CNTNAP2: variants seen among roughly 807,000 people sequenced by gnomAD.
CNTNAP2 encodes contactin associated protein 2, also known as contactin-associated protein-like 2.
CNTNAP2 carries 98 observed loss-of-function variants against 155.2 expected under a neutral mutation model. That is an observed-to-expected ratio of 0.63 (90% CI 0.54 to 0.75). CNTNAP2 has a LOEUF of 0.75. CNTNAP2 is among the 30% of genes least tolerant of loss of function. The pLI is 0.00. For missense variants in CNTNAP2, 1,727 were observed against 1,688.1 expected, an observed-to-expected ratio of 1.02 and a Z score of -0.40; for synonymous variants, 651 against 631.2, an observed-to-expected ratio of 1.03 and a Z score of -0.47.
At chr7:147,619,422 G>A (rs1427778490) in intron 12 of CNTNAP2, among the ~76,000 whole-genome samples, 1 of 152,190 alleles carries the variant, frequency 6.6e-6, no homozygotes, top group Non-Finnish European at 1.5e-5. Flanking sequence ...ATATCCATTT[G>A]TCACTTAAGA....
chr7:147,406,561 A>T (rs562844482), intron 10 of CNTNAP2, among the ~76,000 whole-genome samples: 1 of 152,360 alleles, frequency 6.6e-6, no homozygotes, highest in East Asian at 1.9e-4. Context: ...TTAGTTTTTC[A>T]GATAGCATTG....
At chr7:146,224,966 A>AT (rs147407913) in intron 1 of CNTNAP2, among the ~76,000 whole-genome samples, 147 of 152,284 alleles carry the variant, frequency 9.7e-4, no homozygotes, top group African/African-American at 3.3e-3. Context: ...TGATCACTCA[A>AT]TTACATTCTG....
chr7:146,577,836 A>C (rs1412953975), intron 1 of CNTNAP2, among the ~76,000 whole-genome samples: 1 of 152,106 alleles, frequency 6.6e-6, no homozygotes, highest in Non-Finnish European at 1.5e-5. Flanking sequence ...TTTGAAAAAA[A>C]GAAAGTGAAA....
At chr7:148,052,246 T>C (rs1285981990) in intron 15 of CNTNAP2, among the ~76,000 whole-genome samples, 2 of 149,380 alleles carry the variant, frequency 1.3e-5, no homozygotes, top group African/African-American at 4.9e-5. Context: ...AATCAACAAA[T>C]TAAAAACTGA....
At chr7:147,968,242 G>A (rs932055060) in intron 14 of CNTNAP2, among the ~76,000 whole-genome samples, 1 of 152,124 alleles carries the variant, frequency 6.6e-6, no homozygotes, top group African/African-American at 2.4e-5. Context: ...TGGTTACAAG[G>A]GCTTTCTAAG....
chr7:147,514,387 G>A (rs851842), intron 11 of CNTNAP2, among the ~76,000 whole-genome samples: 97,494 of 151,504 alleles, frequency 0.64, 32,224 homozygotes, highest in South Asian at 0.77. Context: ...ATTTAAATGT[G>A]TATGCATTTT....
At position 148,415,762 on chromosome 7, in the gene CNTNAP2, T is replaced by C. The variant is rs1209396040; in HGVS notation, c.*146T>C. 2 of 853,330 alleles carry C rather than the reference T, an allele frequency of 2.3e-6. No homozygotes were observed. Among genetic ancestry groups the C allele is most frequent in the Non-Finnish European group, 3.7e-6 (2 of 543,772 alleles). The allele number at this position is 853,330 out of a possible 1,614,324, so 52.9% of individuals were successfully genotyped here. ...AGGCAGGCAATGGAATATAATGGAA[T>C]ATTCTTGAGACTGATCACAAAAAAA... is the stretch of plus-strand genomic sequence containing the variant. On this transcript the variant is annotated 3_prime_UTR_variant, in exon 24 of 24. Transcript: ENST00000361727.
chr7:147,198,718 G>T (rs1002406800), intron 8 of CNTNAP2, among the ~76,000 whole-genome samples: 1 of 152,220 alleles, frequency 6.6e-6, no homozygotes, highest in Middle Eastern at 3.4e-3. Flanking sequence ...GTAATTTTCA[G>T]TGATAGTTTG....
intron 3 of CNTNAP2, among the ~76,000 whole-genome samples, chr7:146,925,104 C>G (rs1796580193): frequency 6.6e-6 from 1 of 152,026 alleles, no homozygotes; most frequent in African/African-American, 2.4e-5. Flanking sequence ...TTTAAAATTT[C>G]TCTGTTTTAC....
At chr7:146,937,123 C>T (rs1411210362) in intron 3 of CNTNAP2, among the ~76,000 whole-genome samples, 1 of 152,050 alleles carries the variant, frequency 6.6e-6, no homozygotes, top group Non-Finnish European at 1.5e-5. Context: ...CGCAGTGGCT[C>T]ATGCCTGTAA....
chr7:147,180,659 T>C (rs539006833), intron 8 of CNTNAP2, among the ~76,000 whole-genome samples: 1 of 152,288 alleles, frequency 6.6e-6, no homozygotes, highest in Non-Finnish European at 1.5e-5. Flanking sequence ...GTAAATGCCA[T>C]TGTATATATT....
At chr7:147,147,137 T>C (rs1397137303) in intron 8 of CNTNAP2, among the ~76,000 whole-genome samples, 3 of 152,058 alleles carry the variant, frequency 2.0e-5, no homozygotes, top group African/African-American at 7.2e-5. Flanking sequence ...ACTTTTCACA[T>C]GGCAGCAGAA....
intron 8 of CNTNAP2, among the ~76,000 whole-genome samples, chr7:147,178,055 C>G (rs569980841): frequency 1.3e-5 from 2 of 152,092 alleles, no homozygotes; most frequent in African/African-American, 2.4e-5. Context: ...CATCCGCCCC[C>G]CCACCACGAA....
intron 21 of CNTNAP2, among the ~76,000 whole-genome samples, chr7:148,323,006 T>A (rs191879881): frequency 1.3e-5 from 2 of 152,278 alleles, no homozygotes; most frequent in Admixed American, 6.5e-5. Flanking sequence ...AAATTCTTAG[T>A]GGCATTCATT....
chr7:146,876,226 A>G (rs756267836), intron 3 of CNTNAP2, among the ~76,000 whole-genome samples: 8 of 152,050 alleles, frequency 5.3e-5, no homozygotes, highest in Non-Finnish European at 1.0e-4. Flanking sequence ...CATCACCTGA[A>G]TCTTCCCAGG....
At chr7:147,601,590 C>T (rs539709023) in intron 12 of CNTNAP2, among the ~76,000 whole-genome samples, 76 of 146,716 alleles carry the variant, frequency 5.2e-4, no homozygotes, top group African/African-American at 1.9e-3. Context: ...GGCTCAGAGG[C>T]CTGACAAGTA....
chr7:148,067,972 A>G (rs981236029), intron 15 of CNTNAP2, among the ~76,000 whole-genome samples: 2 of 152,130 alleles, frequency 1.3e-5, no homozygotes, highest in African/African-American at 4.8e-5. Flanking sequence ...CCACACAGCC[A>G]GCAAGGCCAG....
At chr7:147,979,848 C>A (rs1801491303) in intron 15 of CNTNAP2, among the ~76,000 whole-genome samples, 1 of 152,100 alleles carries the variant, frequency 6.6e-6, no homozygotes, top group African/African-American at 2.4e-5. Context: ...GTCTCGAACT[C>A]CTGACCCCGG....
At chr7:147,190,109 C>G (rs938039796) in intron 8 of CNTNAP2, among the ~76,000 whole-genome samples, 5 of 152,052 alleles carry the variant, frequency 3.3e-5, no homozygotes, top group African/African-American at 1.2e-4. Context: ...ATATTCAGTC[C>G]ATTGTCTGGC....
Sources: gnomAD v4.1 joint callset for allele counts (sites outside exome capture counted in the v4.1 genomes callset) on GRCh38, gnomAD v4.1.1 for gene constraint, MANE v1.5 for transcripts, NCBI Gene and HGNC (gene_info 2026-07-23, HGNC 2026-07-21) for gene names.